Variants in SLC12A2 observed in about 807,000 individuals in gnomAD.
SLC12A2 encodes the protein Na-K-2Cl cotransporter 1.
Under a neutral mutation model 136.3 loss-of-function variants are expected in SLC12A2, and 67 were observed. The ratio of observed to expected loss-of-function variants is 0.49; its 90% CI spans 0.40 to 0.60. The LOEUF (loss-of-function observed/expected upper bound fraction) is 0.60. Ranked by LOEUF, SLC12A2 falls within the 20% of genes least tolerant of loss-of-function variation. The pLI is 0.00. For missense variants in SLC12A2, 1,322 were observed against 1,534.7 expected (o/e 0.86, Z 2.32); for synonymous variants, 619 against 562.9 (o/e 1.10, Z -1.41).
Position 128,135,724 on chromosome 5 carries a change from C to T in SLC12A2, c.1324C>T (p.Leu442=), listed in dbSNP as rs780482894. ...GGCTCAGATTGTTCTTTTGGTGATC[C>T]TACTTCTTGCTATTGGTGATTTCGT... ...AKAQIVLLVI[L]LLAIGDFVIG... The change falls in exon 7 of 27, where the codon CTA becomes TTA. Residue 442 remains leucine, a synonymous_variant. Coordinates refer to ENST00000262461, the MANE Select transcript of SLC12A2 (RefSeq NM_001046.3). 8.7e-6 allele frequency: 14 copies of T among 1,610,424 alleles called. No homozygotes were observed. In the East Asian group the frequency reaches 2.5e-4, roughly 28 times the overall value.
At chr5:128,110,481 T>G (rs1761103602) in intron 1 of SLC12A2, 1 of 1,400,278 alleles carries the variant, frequency 7.1e-7, no homozygotes, top group Non-Finnish European at 1.0e-6. Context: ...TCATAGACGC[T>G]GCTTTCACCA....
At chr5:128,159,342 G>A (rs1036138998) in intron 16 of SLC12A2, among the ~76,000 whole-genome samples, 9 of 152,096 alleles carry the variant, frequency 5.9e-5, no homozygotes, top group African/African-American at 2.2e-4. Context: ...ACAAAGGCAT[G>A]GGCACAGACT....
intron 15 of SLC12A2, 47 bp from the exon 16 acceptor site, chr5:128,158,006 G>T: frequency 6.6e-7 from 1 of 1,525,126 alleles, no homozygotes. Flanking sequence ...CTTGTTGCCA[G>T]AAACACAAAT....
At chr5:128,130,034 TG>T (rs1173154158) in intron 4 of SLC12A2, among the ~76,000 whole-genome samples, 1 of 146,684 alleles carries the variant, frequency 6.8e-6, no homozygotes, top group Admixed American at 7.1e-5. Flanking sequence ...TGTGAGACTT[TG>T]TTTTTTTTTT....
intron 7 of SLC12A2, among the ~76,000 whole-genome samples, chr5:128,136,112 T>A (rs564917393): frequency 3.9e-4 from 59 of 152,296 alleles, no homozygotes; most frequent in African/African-American, 1.1e-3. Context: ...AATTTCTAAC[T>A]TTTGTTCTAA....
chr5:128,175,307 T>A (rs1425222706), intron 20 of SLC12A2, among the ~76,000 whole-genome samples: 3 of 152,090 alleles, frequency 2.0e-5, no homozygotes, highest in Non-Finnish European at 2.9e-5. Context: ...GTAATGTTGC[T>A]TTTTATTTCT....
At chr5:128,085,819 A>G (rs1349847472) in intron 1 of SLC12A2, among the ~76,000 whole-genome samples, 1 of 152,246 alleles carries the variant, frequency 6.6e-6, no homozygotes, top group Non-Finnish European at 1.5e-5. Flanking sequence ...TTGATAATGT[A>G]ACATTCACAC....
intron 4 of SLC12A2, among the ~76,000 whole-genome samples, chr5:128,129,367 G>A (rs1286550369): frequency 6.6e-6 from 1 of 151,862 alleles, no homozygotes; most frequent in East Asian, 1.9e-4. Context: ...TGACAAAATT[G>A]TCATTATATA....
At chr5:128,127,518 G>A (rs901470538) in intron 4 of SLC12A2, among the ~76,000 whole-genome samples, 6 of 150,998 alleles carry the variant, frequency 4.0e-5, no homozygotes, top group African/African-American at 1.5e-4. Flanking sequence ...GAAAGAGTTT[G>A]TGTAAAATTG....
intron 7 of SLC12A2, among the ~76,000 whole-genome samples, chr5:128,137,931 TG>T (rs1332944068): frequency 6.6e-6 from 1 of 151,738 alleles, no homozygotes; most frequent in Non-Finnish European, 1.5e-5. Context: ...ATGTTGCTTT[TG>T]TTTTCCTTTT....
At chr5:128,154,145 T>A (rs1044220952) in intron 15 of SLC12A2, among the ~76,000 whole-genome samples, 4 of 151,632 alleles carry the variant, frequency 2.6e-5, no homozygotes, top group Non-Finnish European at 5.9e-5. Context: ...GGCATGTTGG[T>A]GCATGCCTGC....
chr5:128,160,456 G>A (rs1252952621), intron 16 of SLC12A2, among the ~76,000 whole-genome samples: 1 of 152,018 alleles, frequency 6.6e-6, no homozygotes, highest in Non-Finnish European at 1.5e-5. Flanking sequence ...AATGGGGGTT[G>A]GAAGAAATAG....
In SLC12A2 at chr5:128,083,770, T is replaced by TCG. The variant is rs894250349; in HGVS notation, c.-179_-178dup. ...GGGGCCCGCCCCGCGCCCGCCACAC[T>TCG]CGCGCGCTCGCTCGGCTGCCGGTGG... On this transcript the variant is annotated 5_prime_UTR_variant, in exon 1 of 27. Coordinates refer to ENST00000262461, the MANE Select transcript of SLC12A2 (RefSeq NM_001046.3). 1.4e-4 allele frequency: 55 copies of TCG among 388,282 alleles called. No individual in the cohort carries two copies. The highest frequency in any genetic ancestry group is 8.5e-4 in the Admixed American group (18 of 21,236). 24.1% of individuals were successfully genotyped at this position (388,282 alleles called of 1,614,324 possible). A position where few individuals can be genotyped will look rare whatever the true frequency, so the allele number is the denominator to read the frequency against.
intron 7 of SLC12A2, 79 bp from the exon 8 acceptor site, chr5:128,138,518 A>G: frequency 1.5e-6 from 2 of 1,306,512 alleles, no homozygotes; most frequent in East Asian, 2.3e-5. Flanking sequence ...GGGGTCATGT[A>G]TACCTATTAT....
At chr5:128,143,918 T>C (rs1762447441) in intron 10 of SLC12A2, among the ~76,000 whole-genome samples, 1 of 148,894 alleles carries the variant, frequency 6.7e-6, no homozygotes, top group Non-Finnish European at 1.5e-5. Context: ...AATAAAATTA[T>C]TTATTATAAA....
chr5:128,112,516 A>G (rs1761189033), intron 1 of SLC12A2, among the ~76,000 whole-genome samples: 1 of 152,204 alleles, frequency 6.6e-6, no homozygotes, highest in Non-Finnish European at 1.5e-5. Context: ...TGTAATTAGC[A>G]AACAGGAGTC....
chr5:128,156,426 A>G (rs73337373), intron 15 of SLC12A2, among the ~76,000 whole-genome samples: 178 of 152,192 alleles, frequency 1.2e-3, no homozygotes, highest in African/African-American at 4.1e-3. Flanking sequence ...GTAGATGTGC[A>G]CTCTGCTGCT....
Position 128,084,257 on chromosome 5 carries a change from G to A in SLC12A2, c.303G>A (p.Ala101=), listed in dbSNP as rs181849063. 8.0e-3 allele frequency: 9,708 copies of A among 1,213,512 alleles called. 670 individuals are homozygous for A. The African/African-American group carries it at 0.14, about 18-fold the overall frequency. 75.2% of individuals were successfully genotyped at this position (1,213,512 alleles called of 1,614,324 possible). A position where few individuals can be genotyped will look rare whatever the true frequency, so the allele number is the denominator to read the frequency against. ...GRAAAAAAAA[A]AAAAAAGAGA... is the part of the protein sequence containing the mutation. ...CCGCTGCTGCGGCGGCGGCGGCGGC[G>A]GCGGCAGCGGCGGCGGCTGGTGCTG... is the stretch of plus-strand genomic sequence containing the variant. Residue 101 remains alanine (A), a synonymous_variant, in exon 1 of 27, where the codon GCG becomes GCA. Transcript: ENST00000262461. The surrounding 1 kb of genome is among the most constrained non-coding windows in gnomAD (Gnocchi z 5.6).
chr5:128,142,924 G>T (rs931005313), intron 10 of SLC12A2, among the ~76,000 whole-genome samples: 2 of 152,010 alleles, frequency 1.3e-5, no homozygotes, highest in African/African-American at 4.8e-5. Flanking sequence ...TGGTTACATG[G>T]ATGAATTGTG....
Sources: gnomAD v4.1 joint callset for allele counts (sites outside exome capture counted in the v4.1 genomes callset) on GRCh38, gnomAD v4.1.1 for gene constraint, Gnocchi (gnomAD v3.1) non-coding constraint, MANE v1.5 for transcripts, NCBI Gene and HGNC (gene_info 2026-07-23, HGNC 2026-07-21) for gene names.